SLC9A9: variants seen among roughly 807,000 people sequenced by gnomAD.
SLC9A9 encodes the protein solute carrier family 9 member A9.
In SLC9A9, 62 loss-of-function variants were observed where a neutral mutation model predicts 77.8. The ratio of observed to expected loss-of-function variants is 0.80; its 90% CI spans 0.65 to 0.98. The LOEUF is 0.98. SLC9A9 is among the 50% of genes least tolerant of loss of function. The pLI is 0.00. For synonymous variants in SLC9A9, 320 were observed against 283.5 expected (o/e 1.13, Z -1.29); for missense variants, 775 against 774.9 (o/e 1.00, Z 0.00).
chr3:143,637,770 G>C (rs529660625), intron 6 of SLC9A9, among the ~76,000 whole-genome samples: 1 of 152,238 alleles, frequency 6.6e-6, no homozygotes, highest in South Asian at 2.1e-4. Flanking sequence ...GAGGTTGACT[G>C]ACTTGCTCAT....
At chr3:143,359,595 G>A (rs1307264415) in intron 14 of SLC9A9, among the ~76,000 whole-genome samples, 1 of 152,162 alleles carries the variant, frequency 6.6e-6, no homozygotes, top group African/African-American at 2.4e-5. Flanking sequence ...AGCAGAGTGA[G>A]CCGAGGGGAA....
At chr3:143,631,761 C>T (rs2108727639) in intron 6 of SLC9A9, among the ~76,000 whole-genome samples, 1 of 152,228 alleles carries the variant, frequency 6.6e-6, no homozygotes, top group East Asian at 1.9e-4. Flanking sequence ...ATTCCTACAT[C>T]TTCCAGTTTT....
intron 4 of SLC9A9, among the ~76,000 whole-genome samples, chr3:143,716,292 T>TCAGACTC (rs1355781023): frequency 7.2e-5 from 11 of 152,132 alleles, no homozygotes; most frequent in Non-Finnish European, 1.3e-4. Context: ...TGAGCTGGTC[T>TCAGACTC]CAGACTCCTG....
chr3:143,496,505 GA>G (rs2035835465), intron 9 of SLC9A9, among the ~76,000 whole-genome samples: 1 of 152,210 alleles, frequency 6.6e-6, no homozygotes, highest in African/African-American at 2.4e-5. Context: ...TTGACAGAAA[GA>G]AAAGTAGAAT....
intron 4 of SLC9A9, among the ~76,000 whole-genome samples, chr3:143,736,300 C>T (rs928741248): frequency 9.2e-5 from 14 of 152,262 alleles, no homozygotes; most frequent in African/African-American, 2.9e-4. Context: ...GTTTATTTCT[C>T]TTCTAGAATG....
chr3:143,763,543 C>T (rs891023510), intron 4 of SLC9A9, among the ~76,000 whole-genome samples: 17 of 152,250 alleles, frequency 1.1e-4, no homozygotes, highest in Admixed American at 1.0e-3. Flanking sequence ...TTGTACACTC[C>T]TGGTTTCTGG....
intron 14 of SLC9A9, among the ~76,000 whole-genome samples, chr3:143,274,172 G>T (rs558256240): frequency 3.9e-5 from 6 of 152,280 alleles, no homozygotes; most frequent in Non-Finnish European, 7.4e-5. Flanking sequence ...AGTGTTTATA[G>T]ACTTGATAAA....
intron 9 of SLC9A9, among the ~76,000 whole-genome samples, chr3:143,496,719 A>G (rs2035840613): frequency 6.6e-6 from 1 of 152,242 alleles, no homozygotes; most frequent in African/African-American, 2.4e-5. Flanking sequence ...GGAAAAATGT[A>G]GGGGACAGGG....
chr3:143,447,606 G>A (rs565475614), intron 12 of SLC9A9, among the ~76,000 whole-genome samples: 7 of 152,090 alleles, frequency 4.6e-5, no homozygotes, highest in Admixed American at 4.6e-4. Flanking sequence ...CCCAGAAAAG[G>A]CAAACAATTC....
intron 6 of SLC9A9, among the ~76,000 whole-genome samples, chr3:143,638,202 T>C (rs1315073717): frequency 6.6e-6 from 1 of 152,196 alleles, no homozygotes; most frequent in Non-Finnish European, 1.5e-5. Context: ...AGGGTAAGAA[T>C]TTAATTTAAT....
chr3:143,818,286 G>T (rs1163483717), intron 2 of SLC9A9, among the ~76,000 whole-genome samples: 2 of 152,066 alleles, frequency 1.3e-5, no homozygotes, highest in African/African-American at 4.8e-5. Flanking sequence ...AAAAAGTTAA[G>T]AACTGGGGAC....
intron 14 of SLC9A9, among the ~76,000 whole-genome samples, chr3:143,311,524 C>T (rs2031017334): frequency 6.6e-6 from 1 of 152,176 alleles, no homozygotes; most frequent in Non-Finnish European, 1.5e-5. Context: ...GCTTTCCTTC[C>T]TGGGCAGGTT....
At chr3:143,765,552 T>C (rs2007287422) in intron 4 of SLC9A9, among the ~76,000 whole-genome samples, 1 of 152,206 alleles carries the variant, frequency 6.6e-6, no homozygotes, top group South Asian at 2.1e-4. Flanking sequence ...TAGTTGTTCT[T>C]TATTGCAAAA....
At chr3:143,446,335 T>C (rs920832731) in intron 12 of SLC9A9, among the ~76,000 whole-genome samples, 1 of 152,050 alleles carries the variant, frequency 6.6e-6, no homozygotes, top group Non-Finnish European at 1.5e-5. Flanking sequence ...CTCGTGGAAG[T>C]TATCTTCTGA....
intron 4 of SLC9A9, among the ~76,000 whole-genome samples, chr3:143,754,585 G>A (rs2108827336): frequency 6.6e-6 from 1 of 152,280 alleles, no homozygotes; most frequent in Non-Finnish European, 1.5e-5. Flanking sequence ...GTGCAGAATA[G>A]GCTTTTCCCC....
intron 9 of SLC9A9, among the ~76,000 whole-genome samples, 169 bp downstream of exon 9, chr3:143,552,193 A>G (rs752426286): frequency 6.6e-6 from 1 of 152,222 alleles, no homozygotes; most frequent in Non-Finnish European, 1.5e-5. Context: ...AGAATTGTTA[A>G]TGGTTATCCT....
chr3:143,467,799 CT>C (rs1377309517), intron 11 of SLC9A9, among the ~76,000 whole-genome samples: 1 of 151,712 alleles, frequency 6.6e-6, no homozygotes, highest in African/African-American at 2.4e-5. Context: ...TCACATTGCC[CT>C]TTTATAACCA....
At position 143,573,341 on chromosome 3, in the gene SLC9A9, G is replaced by A. The variant is rs189150251; in HGVS notation, c.1000+747C>T. 1.1e-3 allele frequency among the ~76,000 whole-genome samples: 171 copies of A among 152,276 alleles called. 4 individuals carry two copies. The highest frequency in any genetic ancestry group is 0.011 in the Admixed American group (170 of 15,290). On this transcript the variant is annotated intron_variant, in intron 8 of 15. Coordinates refer to ENST00000316549, the MANE Select transcript of SLC9A9 (RefSeq NM_173653.4). ...TTGAAACCTGGGAGAAGCAGGGAAC[G>A]TGGCTTGAGGAGAGAAAGAGCATTA...
chr3:143,452,721 TA>T (rs61230493), intron 12 of SLC9A9, among the ~76,000 whole-genome samples: 38,934 of 150,984 alleles, frequency 0.26, 5,207 homozygotes, highest in East Asian at 0.48. Context: ...TTTGGTTATC[TA>T]AGAGAATGTC....
Sources: allele counts gnomAD v4.1 joint callset (sites outside exome capture counted in the v4.1 genomes callset), GRCh38; gene constraint gnomAD v4.1.1; transcripts MANE v1.5; gene names NCBI Gene and HGNC (gene_info 2026-07-23, HGNC 2026-07-21).